C6orf89: variants seen among roughly 807,000 people sequenced by gnomAD.
C6orf89 encodes the protein bombesin receptor-activated protein C6orf89.
A neutral mutation model predicts 40.7 loss-of-function variants in C6orf89; 29 were observed. That is an observed-to-expected ratio of 0.71 (90% CI 0.53 to 0.97). C6orf89 has a LOEUF of 0.97. Among genes scored for constraint, C6orf89 ranks in the 50% least tolerant of loss-of-function variants. C6orf89 has a pLI of 0.00. For synonymous variants in C6orf89, 165 were observed against 152.2 expected (o/e 1.08, Z -0.62); for missense variants, 392 against 429.1 (o/e 0.91, Z 0.76).
chr6:36,917,790 T>G (rs1028706086), intron 7 of C6orf89, among the ~76,000 whole-genome samples: 3 of 148,250 alleles, frequency 2.0e-5, no homozygotes, highest in Non-Finnish European at 3.0e-5. Context: ...TCTTCATAAA[T>G]ATAATTCTGG....
At chr6:36,910,047 G>A (rs1762070456) in intron 4 of C6orf89, among the ~76,000 whole-genome samples, 1 of 151,956 alleles carries the variant, frequency 6.6e-6, no homozygotes. Flanking sequence ...TTTATCTAAA[G>A]TCTCACATTT....
chr6:36,900,236 CTG>C (rs1474623501), intron 3 of C6orf89, among the ~76,000 whole-genome samples: 5 of 145,998 alleles, frequency 3.4e-5, no homozygotes, highest in African/African-American at 1.0e-4. Context: ...GAGTCACACT[CTG>C]TTGCCCAGGC....
chr6:36,925,352 T>C lies in C6orf89; in HGVS notation c.*1911T>C, dbSNP rs765814012. ...CTTAGGAACAAAGCAACTATTTTGA[T>C]TACTGAGATCTCTGTTTTGTTTCTG... On this transcript the variant is annotated 3_prime_UTR_variant, in exon 9 of 9. Coordinates refer to ENST00000480824, the MANE Select transcript of C6orf89 (RefSeq NM_001286635.2). The C allele has an allele frequency of 1.3e-5, 2 of 152,166 alleles. No individual in the cohort carries two copies. The highest frequency in any genetic ancestry group is 2.9e-5 in the Non-Finnish European group (2 of 68,018). The allele number at this position is 152,166 out of a possible 1,614,324, so 9.4% of individuals were successfully genotyped here.
At chr6:36,908,330 T>G (rs903676141) in intron 4 of C6orf89, among the ~76,000 whole-genome samples, 1 of 152,166 alleles carries the variant, frequency 6.6e-6, no homozygotes, top group African/African-American at 2.4e-5. Flanking sequence ...CTGAGATGAT[T>G]TACCTCTACA....
Position 36,906,365 on chromosome 6 carries a change from G to A in C6orf89, c.403+3931G>A, listed in dbSNP as rs144559966. On this transcript the variant is annotated intron_variant, in intron 4 of 8. Transcript: ENST00000480824. ...CTTACTGTATACCAGGTACTGTGCC[G>A]TGCAGTTTATTTCTCAGTCTTCACA... Among the ~76,000 whole-genome samples, 729 of 152,252 alleles carry A rather than the reference G, an allele frequency of 4.8e-3. 13 individuals are homozygous for A. Among genetic ancestry groups the A allele is most frequent in the Middle Eastern group, 0.024 (7 of 294 alleles).
chr6:36,919,663 G>C lies in C6orf89; in HGVS notation c.911G>C (p.Cys304Ser). 6.2e-7 allele frequency: 1 copy of C among 1,614,116 alleles called. No homozygotes were observed. Among genetic ancestry groups the C allele is most frequent in the Non-Finnish European group, 8.5e-7 (1 of 1,179,964 alleles). The change falls in exon 8 of 9, where the codon TGT (cysteine) becomes TCT (serine). Residue 304 changes from cysteine (C) to serine (S), a missense_variant. Transcript: ENST00000480824. ...LIPPFQCRRH[C>S]QSVAMPIEPG... The stretch of plus-strand genomic sequence containing the variant: ...CCTCCCTTCCAGTGCCGAAGACATT[G>C]TCAGTCTGTGGCCATGCCAATAGAG...
intron 1 of C6orf89, among the ~76,000 whole-genome samples, chr6:36,889,582 C>CAAAAACAAAA (rs71556976): frequency 6.4e-5 from 9 of 140,464 alleles, no homozygotes; most frequent in African/African-American, 2.4e-4. Context: ...AAAACAAAAA[C>CAAAAACAAAA]AAAAAAAAAA....
chr6:36,910,551 A>G (rs1225884804), intron 4 of C6orf89, among the ~76,000 whole-genome samples: 1 of 152,084 alleles, frequency 6.6e-6, no homozygotes, highest in Non-Finnish European at 1.5e-5. Flanking sequence ...AACATGATGA[A>G]ACCCTGTCTC....
chr6:36,876,497 G>A (rs1168409829), intron 1 of C6orf89, among the ~76,000 whole-genome samples: 1 of 152,046 alleles, frequency 6.6e-6, no homozygotes, highest in Non-Finnish European at 1.5e-5. Flanking sequence ...GGCCGAGGCG[G>A]GCAGATCATC....
At chr6:36,900,680 T>G (rs1416273981) in intron 3 of C6orf89, among the ~76,000 whole-genome samples, 1 of 151,794 alleles carries the variant, frequency 6.6e-6, no homozygotes, top group Non-Finnish European at 1.5e-5. Flanking sequence ...TTCTATTTTT[T>G]GTAGAGATGG....
chr6:36,901,229 G>A (rs943249179), intron 3 of C6orf89, among the ~76,000 whole-genome samples: 10 of 148,948 alleles, frequency 6.7e-5, no homozygotes, highest in African/African-American at 9.9e-5. Flanking sequence ...TGATACACCC[G>A]CCTTGGCCTC....
At position 36,880,550 on chromosome 6, in the gene C6orf89, CTT is replaced by C. The variant is rs541518757; in HGVS notation, c.-503+1420_-503+1421del. ...CTGTAATGCCTCTTGGTTCATGTAA[CTT>C]TAGTAATCTTTGGGAAATAAAAACA... On this transcript the variant is annotated intron_variant, in intron 2 of 9. Coordinates refer to the C6orf89 transcript ENST00000359359. 2.6e-3 allele frequency among the ~76,000 whole-genome samples: 392 copies of C among 152,182 alleles called. 3 individuals are homozygous for C. The highest frequency in any genetic ancestry group is 8.6e-3 in the African/African-American group (358 of 41,500).
chr6:36,885,354 T>G (rs1774935290), upstream of C6orf89, among the ~76,000 whole-genome samples: 1 of 152,246 alleles, frequency 6.6e-6, no homozygotes, highest in African/African-American at 2.4e-5. Context: ...GCCTTTTTTA[T>G]CTATAAATTT....
intron 4 of C6orf89, among the ~76,000 whole-genome samples, chr6:36,910,920 G>A (rs1041586423): frequency 2.1e-4 from 32 of 152,062 alleles, no homozygotes; most frequent in African/African-American, 7.7e-4. Flanking sequence ...GAGTAAGAAA[G>A]CTATTGATTT....
intron 7 of C6orf89, among the ~76,000 whole-genome samples, chr6:36,919,336 G>C (rs1031208984): frequency 6.6e-6 from 1 of 152,158 alleles, no homozygotes; most frequent in Admixed American, 6.5e-5. Context: ...TGCCTCTTTA[G>C]GAGAACCCAT....
At chr6:36,913,562 A>G (rs1201650029) in intron 4 of C6orf89, among the ~76,000 whole-genome samples, 1 of 152,168 alleles carries the variant, frequency 6.6e-6, no homozygotes, top group Non-Finnish European at 1.5e-5. Context: ...TCACCCTTCT[A>G]TCCACACCAG....
In C6orf89 at chr6:36,919,556, CCCT is replaced by C; in HGVS notation, c.826-17_826-15del. The C allele has an allele frequency of 1.2e-6, 2 of 1,600,748 alleles. No individual in the cohort carries two copies. The highest frequency in any genetic ancestry group is 1.7e-6 in the Non-Finnish European group (2 of 1,170,406). On this transcript the variant is annotated intron_variant, in intron 7 of 8. Transcript: ENST00000480824. ...CGTTTTCTTTGCCTTCCTTTTCCTC[CCCT>C]CCTCATTCTTTCCTCCAGATGCATA...
chr6:36,901,312 ATTATTATTATTTTTTTTTTT>A (rs1232878592), intron 3 of C6orf89, among the ~76,000 whole-genome samples: 11 of 64,686 alleles, frequency 1.7e-4, no homozygotes, highest in Non-Finnish European at 2.2e-4. Flanking sequence ...TATTATTATT[ATTATTATTATTTTTTTTTTT>A]TTTTTTTTTT....
intron 3 of C6orf89, among the ~76,000 whole-genome samples, chr6:36,900,416 G>T (rs1393051298): frequency 6.6e-6 from 1 of 150,722 alleles, no homozygotes; most frequent in East Asian, 2.0e-4. Context: ...TGGTCAGGCT[G>T]GTCCTGAACT....
Sources: allele counts gnomAD v4.1 joint callset (sites outside exome capture counted in the v4.1 genomes callset), GRCh38; gene constraint gnomAD v4.1.1; transcripts MANE v1.5; gene names NCBI Gene and HGNC (gene_info 2026-07-23, HGNC 2026-07-21).